Variants in CMIP observed in about 807,000 individuals in gnomAD.
CMIP encodes the protein C-Maf-inducing protein.
CMIP carries 13 observed loss-of-function variants against 97.3 expected under a neutral mutation model. The ratio of observed to expected loss-of-function variants is 0.13; its 90% CI spans 0.09 to 0.21. The LOEUF (loss-of-function observed/expected upper bound fraction) is 0.21. Among genes scored for constraint, CMIP ranks in the 10% least tolerant of loss-of-function variants. CMIP has a pLI of 1.00. For synonymous variants in CMIP, 538 were observed against 436.3 expected, an observed-to-expected ratio of 1.23 and a Z score of -2.91; for missense variants, 847 against 1,024.9, an observed-to-expected ratio of 0.83 and a Z score of 2.37.
At chr16:81,526,889 G>A (rs948210328) in intron 1 of CMIP, among the ~76,000 whole-genome samples, 5 of 152,208 alleles carry the variant, frequency 3.3e-5, no homozygotes, top group Non-Finnish European at 7.3e-5. Flanking sequence ...AATATAAGAA[G>A]AGAAATTTTG....
chr16:81,525,011 T>C (rs1434086186), intron 1 of CMIP, among the ~76,000 whole-genome samples: 1 of 151,878 alleles, frequency 6.6e-6, no homozygotes, highest in Admixed American at 6.6e-5. Context: ...GGACAGGCTG[T>C]TCTCAAACTC....
rs147893871 is a variant in CMIP, at chr16:81,634,631, A to T, written c.477+13705A>T. 7.8e-3 allele frequency among the ~76,000 whole-genome samples: 1,195 copies of T among 152,306 alleles called. 17 individuals are homozygous for T. Among genetic ancestry groups the T allele is most frequent in the African/African-American group, 0.027 (1,117 of 41,564 alleles). ...GAGGAGCCGCCTCCCCAGGGAGGGC[A>T]GGAGTGCGCCTTCTCCTATATTCAA... On this transcript the variant is annotated intron_variant, in intron 3 of 20. Coordinates refer to ENST00000537098, the MANE Select transcript of CMIP (RefSeq NM_198390.3).
chr16:81,458,189 C>G (rs528389002), intron 1 of CMIP, among the ~76,000 whole-genome samples: 113 of 152,266 alleles, frequency 7.4e-4, no homozygotes, highest in Middle Eastern at 6.8e-3. Flanking sequence ...CTTCTCACCT[C>G]TTCTAAAGAG....
At chr16:81,596,085 C>G (rs2091550763) in intron 1 of CMIP, among the ~76,000 whole-genome samples, 1 of 152,068 alleles carries the variant, frequency 6.6e-6, no homozygotes, top group African/African-American at 2.4e-5. Flanking sequence ...TCTATCCATC[C>G]TAGTGGGTAT....
chr16:81,690,717 G>C (rs1905963384), intron 10 of CMIP, among the ~76,000 whole-genome samples: 1 of 152,210 alleles, frequency 6.6e-6, no homozygotes, highest in Admixed American at 6.5e-5. Context: ...CTGAGGCCAG[G>C]AGTTCAAGAC....
In CMIP at chr16:81,483,146, G is replaced by A. The variant is rs375596531; in HGVS notation, c.300+37605G>A. Reference sequence around the variant, plus strand: ...TGAATGGGGAGGGTGTGGCGTCTGTGTGTGGTGGCCTTTGGAATAGGGTGA... The same window carrying A: ...TGAATGGGGAGGGTGTGGCGTCTGTATGTGGTGGCCTTTGGAATAGGGTGA... On this transcript the variant is annotated intron_variant, in intron 1 of 20. Coordinates refer to ENST00000537098, the MANE Select transcript of CMIP (RefSeq NM_198390.3). Among the ~76,000 whole-genome samples the A allele has an allele frequency of 2.4e-4, 37 of 152,366 alleles. No homozygotes were observed. The South Asian group carries it at 7.0e-3, about 29-fold the overall frequency.
chr16:81,706,650 G>A (rs61570651), intron 19 of CMIP, among the ~76,000 whole-genome samples: 10 of 152,170 alleles, frequency 6.6e-5, no homozygotes, highest in South Asian at 2.1e-4. Flanking sequence ...AGTCAATGAC[G>A]ACGGGGGGAC....
Position 81,701,926 on chromosome 16 carries a change from C to G in CMIP, c.1896+126C>G, listed in dbSNP as rs1417934271. ...ATCTCGTTGAATTCTCCTCCAAACC[C>G]CAGAAATTGGTATTACCACCTGCCA... On this transcript the variant is annotated intron_variant, in intron 16 of 20. Coordinates refer to ENST00000537098, the MANE Select transcript of CMIP (RefSeq NM_198390.3). The G allele has an allele frequency of 8.2e-6, 10 of 1,223,926 alleles. No individual in the cohort carries two copies. In the African/African-American group the frequency reaches 1.2e-4, roughly 15 times the overall value. The allele number at this position is 1,223,926 out of a possible 1,614,324, so 75.8% of individuals were successfully genotyped here. A position where few individuals can be genotyped will look rare whatever the true frequency, so the allele number is the denominator to read the frequency against.
At chr16:81,494,157 C>T (rs2089450357) in intron 1 of CMIP, among the ~76,000 whole-genome samples, 1 of 152,144 alleles carries the variant, frequency 6.6e-6, no homozygotes, top group African/African-American at 2.4e-5. Context: ...TGAGCAGTCA[C>T]CGGGGGAATC....
intron 7 of CMIP, 58 bp downstream of exon 7, chr16:81,664,407 G>T (rs767583235): frequency 1.7e-5 from 26 of 1,492,998 alleles, no homozygotes; most frequent in Non-Finnish European, 2.3e-5. Flanking sequence ...GGCCCCGCGC[G>T]CCTCCCTGGC....
chr16:81,685,196 C>G (rs947458141), intron 10 of CMIP, among the ~76,000 whole-genome samples: 10 of 152,208 alleles, frequency 6.6e-5, no homozygotes, highest in African/African-American at 2.4e-4. Flanking sequence ...GCAAGGAAGT[C>G]CACTTGCCCT....
At chr16:81,665,247 A>T (rs1192546010) in intron 7 of CMIP, 1 of 152,014 alleles carries the variant, frequency 6.6e-6, no homozygotes, top group Non-Finnish European at 1.5e-5. Flanking sequence ...CATTCCAGGG[A>T]CAGCAGCAAA....
chr16:81,466,061 AT>A (rs1907186526), intron 1 of CMIP, among the ~76,000 whole-genome samples: 1 of 146,094 alleles, frequency 6.8e-6, no homozygotes, highest in African/African-American at 2.5e-5. Flanking sequence ...TTTACTTTTT[AT>A]TTTGTCTTAT....
chr16:81,696,763 C>G (rs1906772963), intron 14 of CMIP, 96 bp downstream of exon 14: 1 of 1,202,844 alleles, frequency 8.3e-7, no homozygotes, highest in African/African-American at 1.5e-5. Context: ...CTGGGGCCAG[C>G]CCCGGAGTTT....
chr16:81,476,843 T>C (rs945911323), intron 1 of CMIP, among the ~76,000 whole-genome samples: 1 of 152,126 alleles, frequency 6.6e-6, no homozygotes, highest in Non-Finnish European at 1.5e-5. Context: ...CTCCCACCCC[T>C]TCTTTCCTTT....
chr16:81,615,269 TGGTATGTGGC>T (rs1159429292), intron 2 of CMIP, among the ~76,000 whole-genome samples: 2 of 146,486 alleles, frequency 1.4e-5, no homozygotes, highest in African/African-American at 5.1e-5. Flanking sequence ...TGTGTCTACG[TGGTATGTGGC>T]TGTGTGGTGT....
chr16:81,583,273 T>A (rs2091326490), intron 1 of CMIP, among the ~76,000 whole-genome samples: 1 of 152,258 alleles, frequency 6.6e-6, no homozygotes, highest in Non-Finnish European at 1.5e-5. Flanking sequence ...TCTGTGCGAA[T>A]GTCCCCACCC....
chr16:81,586,587 T>A (rs1347870097), intron 1 of CMIP, among the ~76,000 whole-genome samples: 1 of 152,142 alleles, frequency 6.6e-6, no homozygotes, highest in Non-Finnish European at 1.5e-5. Context: ...CTCTCTGTAA[T>A]CGAGATTTAA....
At chr16:81,446,085 G>A (rs1025264933) in intron 1 of CMIP, among the ~76,000 whole-genome samples, 1 of 152,112 alleles carries the variant, frequency 6.6e-6, no homozygotes, top group East Asian at 1.9e-4. Context: ...GGGCTGGCAG[G>A]CAGAACGGGG....
Sources: gnomAD v4.1 joint callset for allele counts (sites outside exome capture counted in the v4.1 genomes callset) on GRCh38, gnomAD v4.1.1 for gene constraint, MANE v1.5 for transcripts, NCBI Gene and HGNC (gene_info 2026-07-23, HGNC 2026-07-21) for gene names.